Variants in AUTS2 observed in about 807,000 individuals in gnomAD.
AUTS2 encodes autism susceptibility gene 2 protein.
A neutral mutation model predicts 112.4 loss-of-function variants in AUTS2; 17 were observed. That is an observed-to-expected ratio of 0.15 (90% CI 0.10 to 0.23). AUTS2 has a LOEUF of 0.23. Among genes scored for constraint, AUTS2 ranks in the 10% least tolerant of loss-of-function variants. AUTS2 has a pLI of 1.00. For synonymous variants in AUTS2, 751 were observed against 702.7 expected, an observed-to-expected ratio of 1.07 and a Z score of -1.09; for missense variants, 1,510 against 1,701.6, an observed-to-expected ratio of 0.89 and a Z score of 1.98.
rs1454660852 is a variant in AUTS2, at chr7:70,542,527, TG to T, written c.690+106750del. 3.3e-5 allele frequency among the ~76,000 whole-genome samples: 5 copies of T among 152,222 alleles called. No individual in the cohort carries two copies. In the East Asian group the frequency reaches 9.7e-4, roughly 29 times the overall value. ...CAGTTACGCCAGGGAGAATGCAAAGTGGGGTGTCCTCTTTCCAGGCACTGGC... is the reference window on the plus strand; with the variant it reads ...CAGTTACGCCAGGGAGAATGCAAAGTGGGTGTCCTCTTTCCAGGCACTGGC... On this transcript the variant is annotated intron_variant, in intron 5 of 18. Coordinates refer to ENST00000342771, the MANE Select transcript of AUTS2 (RefSeq NM_015570.4).
chr7:69,599,662 C>T lies in AUTS2; in HGVS notation c.9C>T (p.Gly3=). ...CCCGGCGCAGCAGAACCATGGATGG[C>T]CCGACGCGGGGCCATGGACTCCGCA... The part of the protein sequence containing the change: MD[G]PTRGHGLRKK... The change falls in exon 1 of 19, where the codon GGC becomes GGT. Residue 3 remains glycine (G), a synonymous_variant. Coordinates refer to ENST00000342771, the MANE Select transcript of AUTS2 (RefSeq NM_015570.4). This position sits in a 1 kb window ranked among gnomAD's most constrained non-coding sequence, Gnocchi z 7.0. 1.5e-6 allele frequency: 2 copies of T among 1,304,484 alleles called. No homozygotes were observed. The highest frequency in any genetic ancestry group is 2.7e-5 in the South Asian group (1 of 37,030). The allele number at this position is 1,304,484 out of a possible 1,614,324, so 80.8% of individuals were successfully genotyped here.
chr7:69,822,823 A>C (rs539835637), intron 1 of AUTS2, among the ~76,000 whole-genome samples: 1 of 152,332 alleles, frequency 6.6e-6, no homozygotes, highest in Non-Finnish European at 1.5e-5. Context: ...TCCTGATCCC[A>C]TGAGATCATA....
intron 13 of AUTS2, among the ~76,000 whole-genome samples, chr7:70,775,600 C>T (rs1261865721): frequency 6.6e-6 from 1 of 151,324 alleles, no homozygotes; most frequent in Non-Finnish European, 1.5e-5. Flanking sequence ...TTTATCTCTA[C>T]AACAGAGAAA....
At chr7:70,594,983 C>T (rs1803124822) in intron 5 of AUTS2, among the ~76,000 whole-genome samples, 1 of 152,030 alleles carries the variant, frequency 6.6e-6, no homozygotes, top group African/African-American at 2.4e-5. Flanking sequence ...TGCCTGTAAT[C>T]GCAGCTACTT....
chr7:70,429,707 T>A (rs185902812), intron 4 of AUTS2, among the ~76,000 whole-genome samples: 90 of 152,358 alleles, frequency 5.9e-4, no homozygotes, highest in African/African-American at 2.1e-3. Flanking sequence ...ATTTTGTGTT[T>A]CATAAATCTA....
At chr7:70,187,580 C>T (rs1436691870) in intron 4 of AUTS2, among the ~76,000 whole-genome samples, 2 of 152,100 alleles carry the variant, frequency 1.3e-5, no homozygotes. Flanking sequence ...AATTCCGCCT[C>T]AGTTTTCCAT....
intron 6 of AUTS2, among the ~76,000 whole-genome samples, chr7:70,703,490 CAAAAAA>C (rs57223380): frequency 8.2e-4 from 81 of 98,596 alleles, no homozygotes; most frequent in East Asian, 4.3e-3. Context: ...GACACCATTT[CAAAAAA>C]AAAAAAAAAA....
chr7:69,680,751 C>T (rs989881510), intron 1 of AUTS2, among the ~76,000 whole-genome samples: 14 of 152,152 alleles, frequency 9.2e-5, no homozygotes, highest in African/African-American at 3.4e-4. Flanking sequence ...CTCACTGCAG[C>T]ATCCATCCCC....
chr7:69,737,111 C>G (rs1213811557), intron 1 of AUTS2, among the ~76,000 whole-genome samples: 1 of 151,996 alleles, frequency 6.6e-6, no homozygotes, highest in Non-Finnish European at 1.5e-5. Flanking sequence ...TAGACTCTAC[C>G]CCTCTCAGTT....
intron 2 of AUTS2, among the ~76,000 whole-genome samples, chr7:69,920,465 C>A (rs115214553): frequency 6.6e-6 from 1 of 151,790 alleles, no homozygotes; most frequent in Non-Finnish European, 1.5e-5. Context: ...TTTGTATTTT[C>A]GGGGGAGGCA....
chr7:70,713,881 A>G (rs1419902475), intron 6 of AUTS2, among the ~76,000 whole-genome samples: 29 of 139,168 alleles, frequency 2.1e-4, no homozygotes, highest in African/African-American at 7.7e-4. Flanking sequence ...GGGCGACAGA[A>G]CAAGACTCCG....
At chr7:70,333,724 G>A (rs1052104279) in intron 4 of AUTS2, among the ~76,000 whole-genome samples, 3 of 151,990 alleles carry the variant, frequency 2.0e-5, no homozygotes, top group African/African-American at 7.3e-5. Context: ...ACCAAACACC[G>A]CATGTTCTCA....
intron 4 of AUTS2, among the ~76,000 whole-genome samples, chr7:70,246,739 G>A (rs1332885641): frequency 6.6e-6 from 1 of 151,826 alleles, no homozygotes; most frequent in African/African-American, 2.4e-5. Flanking sequence ...TCTCAAAAAA[G>A]TGAAATTTTC....
intron 2 of AUTS2, among the ~76,000 whole-genome samples, chr7:70,094,819 G>GGAGTT (rs1804105839): frequency 6.6e-6 from 1 of 152,038 alleles, no homozygotes; most frequent in Admixed American, 6.6e-5. Flanking sequence ...TGTCTTATTA[G>GGAGTT]GAGTTCTTTA....
At chr7:69,653,454 C>T (rs769731900) in intron 1 of AUTS2, among the ~76,000 whole-genome samples, 5 of 152,180 alleles carry the variant, frequency 3.3e-5, no homozygotes, top group Admixed American at 6.5e-5. Flanking sequence ...GTACAGTGTT[C>T]TCTTCCTGTA....
chr7:70,088,581 C>A (rs887712796), intron 2 of AUTS2, among the ~76,000 whole-genome samples: 14 of 149,742 alleles, frequency 9.3e-5, no homozygotes, highest in African/African-American at 3.4e-4. Flanking sequence ...TGATCTGAGA[C>A]CCACCTTGTT....
chr7:69,725,901 T>C (rs955968038), intron 1 of AUTS2, among the ~76,000 whole-genome samples: 10 of 152,208 alleles, frequency 6.6e-5, no homozygotes, highest in African/African-American at 2.4e-4. Context: ...ATATTGGATA[T>C]GAACAATTAC....
chr7:69,664,449 A>G (rs772721557), intron 1 of AUTS2, among the ~76,000 whole-genome samples: 1 of 152,238 alleles, frequency 6.6e-6, no homozygotes, highest in Non-Finnish European at 1.5e-5. Context: ...TAATTGTTTT[A>G]TAACTGTTTT....
chr7:70,638,066 C>G (rs1805616456), intron 5 of AUTS2, among the ~76,000 whole-genome samples: 1 of 152,124 alleles, frequency 6.6e-6, no homozygotes, highest in African/African-American at 2.4e-5. Context: ...ACAGAAGTCT[C>G]CTGAGTGCCC....
Sources: gnomAD v4.1 joint callset for allele counts (sites outside exome capture counted in the v4.1 genomes callset) on GRCh38, gnomAD v4.1.1 for gene constraint, Gnocchi (gnomAD v3.1) non-coding constraint, MANE v1.5 for transcripts, NCBI Gene and HGNC (gene_info 2026-07-23, HGNC 2026-07-21) for gene names.